Variants in CNTNAP2 observed in about 807,000 individuals in gnomAD.
The protein encoded by CNTNAP2 is contactin associated protein 2.
In CNTNAP2, 98 loss-of-function variants were observed where a neutral mutation model predicts 155.2. That is an observed-to-expected ratio of 0.63 (90% CI 0.54 to 0.75). The LOEUF is 0.75. CNTNAP2 is among the 30% of genes least tolerant of loss of function. The pLI is 0.00. For missense variants in CNTNAP2, 1,727 were observed against 1,688.1 expected (o/e 1.02, Z -0.40); for synonymous variants, 651 against 631.2 (o/e 1.03, Z -0.47).
At chr7:147,712,727 C>T (rs937387102) in intron 13 of CNTNAP2, among the ~76,000 whole-genome samples, 2 of 152,122 alleles carry the variant, frequency 1.3e-5, no homozygotes, top group African/African-American at 2.4e-5. Flanking sequence ...GGGAACATCA[C>T]ACACCGGGGC....
intron 2 of CNTNAP2, among the ~76,000 whole-genome samples, chr7:146,828,066 A>G (rs991177068): frequency 6.6e-6 from 1 of 152,120 alleles, no homozygotes; most frequent in Non-Finnish European, 1.5e-5. Context: ...CTCAAGTATA[A>G]AAACATCATA....
chr7:147,379,359 T>C (rs1325542334), intron 9 of CNTNAP2, among the ~76,000 whole-genome samples: 3 of 152,116 alleles, frequency 2.0e-5, no homozygotes, highest in African/African-American at 7.2e-5. Context: ...TTCCATGCGG[T>C]GTTTCTGCTG....
intron 18 of CNTNAP2, among the ~76,000 whole-genome samples, chr7:148,182,323 G>T (rs1795052608): frequency 1.4e-5 from 2 of 142,436 alleles, no homozygotes; most frequent in East Asian, 2.1e-4. Flanking sequence ...TGTCCTGAGG[G>T]TTTTGCTTTT....
chr7:148,109,556 G>A (rs140161443), intron 15 of CNTNAP2, among the ~76,000 whole-genome samples: 6,589 of 152,066 alleles, frequency 0.043, 232 homozygotes, highest in Admixed American at 0.11. Context: ...GGCTAACTTT[G>A]TATTTTTAGT....
intron 2 of CNTNAP2, among the ~76,000 whole-genome samples, chr7:146,790,693 C>T (rs973041419): frequency 1.3e-5 from 2 of 151,986 alleles, no homozygotes; most frequent in Non-Finnish European, 2.9e-5. Flanking sequence ...CCTCAGCCTC[C>T]GGAGTAGCTG....
chr7:147,032,009 G>A lies in CNTNAP2; in HGVS notation c.403-11898G>A, dbSNP rs182985488. Among the ~76,000 whole-genome samples, 19 of 152,322 alleles carry A rather than the reference G, an allele frequency of 1.2e-4. No individual in the cohort carries two copies. In the South Asian group the frequency reaches 2.5e-3, roughly 20 times the overall value. On this transcript the variant is annotated intron_variant, in intron 3 of 23. Transcript: ENST00000361727. The stretch of plus-strand genomic sequence containing the variant: ...ATTAATTGAAAAGAATATTGACTGA[G>A]GGGATTGATGAGACTAATTTCTGGG...
At chr7:147,330,159 C>T (rs752066627) in intron 9 of CNTNAP2, among the ~76,000 whole-genome samples, 1 of 151,976 alleles carries the variant, frequency 6.6e-6, no homozygotes, top group Non-Finnish European at 1.5e-5. Flanking sequence ...TACCAACCTC[C>T]TAGAAGGGAA....
At chr7:147,387,088 C>T (rs969070196) in intron 9 of CNTNAP2, among the ~76,000 whole-genome samples, 3 of 152,046 alleles carry the variant, frequency 2.0e-5, no homozygotes, top group Non-Finnish European at 2.9e-5. Flanking sequence ...ACAGGAAAGA[C>T]CCACCCCCAT....
chr7:148,332,816 G>A (rs896504558), intron 21 of CNTNAP2, among the ~76,000 whole-genome samples: 2 of 152,136 alleles, frequency 1.3e-5, no homozygotes, highest in Admixed American at 6.5e-5. Flanking sequence ...CGCTGGAAAC[G>A]GGGAGGGTGG....
At chr7:148,077,107 A>T (rs1424688924) in intron 15 of CNTNAP2, among the ~76,000 whole-genome samples, 1 of 152,078 alleles carries the variant, frequency 6.6e-6, no homozygotes, top group African/African-American at 2.4e-5. Flanking sequence ...CGGGAGTTCG[A>T]TACTAGCCTG....
At chr7:146,551,465 A>G (rs1223473445) in intron 1 of CNTNAP2, among the ~76,000 whole-genome samples, 2 of 152,066 alleles carry the variant, frequency 1.3e-5, no homozygotes, top group African/African-American at 2.4e-5. Flanking sequence ...AAAGGACATG[A>G]ACTCATCATT....
intron 11 of CNTNAP2, among the ~76,000 whole-genome samples, chr7:147,501,532 G>A (rs1798812699): frequency 6.6e-6 from 1 of 152,154 alleles, no homozygotes; most frequent in Non-Finnish European, 1.5e-5. Flanking sequence ...ATAGTGGTGT[G>A]AAGCCAATGC....
intron 22 of CNTNAP2, among the ~76,000 whole-genome samples, chr7:148,394,366 C>T (rs181309338): frequency 6.6e-6 from 1 of 152,206 alleles, no homozygotes; most frequent in Non-Finnish European, 1.5e-5. Flanking sequence ...TGATATGATG[C>T]CTTGTGACAT....
intron 13 of CNTNAP2, among the ~76,000 whole-genome samples, chr7:147,671,325 G>T (rs1006252285): frequency 6.6e-6 from 1 of 152,178 alleles, no homozygotes; most frequent in Non-Finnish European, 1.5e-5. Context: ...AAAGTGCACT[G>T]ACAATAACAA....
At chr7:146,585,694 T>G (rs914624601) in intron 1 of CNTNAP2, among the ~76,000 whole-genome samples, 4 of 147,650 alleles carry the variant, frequency 2.7e-5, no homozygotes, top group Non-Finnish European at 5.9e-5. Flanking sequence ...AAAACTCATC[T>G]GTACGAAAGA....
intron 1 of CNTNAP2, among the ~76,000 whole-genome samples, chr7:146,333,191 C>T (rs570700351): frequency 6.8e-4 from 104 of 152,040 alleles, no homozygotes; most frequent in African/African-American, 2.1e-3. Flanking sequence ...ATAATCCACC[C>T]GCCTCGGCCT....
At chr7:147,378,858 A>T (rs1796485866) in intron 9 of CNTNAP2, among the ~76,000 whole-genome samples, 2 of 151,958 alleles carry the variant, frequency 1.3e-5, no homozygotes. Context: ...GTAATTTTTA[A>T]GTATTATTTG....
chr7:147,182,167 A>G (rs1463475775), intron 8 of CNTNAP2, among the ~76,000 whole-genome samples: 1 of 151,754 alleles, frequency 6.6e-6, no homozygotes, highest in Non-Finnish European at 1.5e-5. Context: ...TCCACATTAA[A>G]CAAGAGAAAT....
intron 4 of CNTNAP2, among the ~76,000 whole-genome samples, chr7:147,048,688 A>G (rs1799414925): frequency 6.6e-6 from 1 of 152,164 alleles, no homozygotes; most frequent in African/African-American, 2.4e-5. Flanking sequence ...TGTGGAACCA[A>G]ATTTTTAATT....
Sources: allele counts gnomAD v4.1 joint callset (sites outside exome capture counted in the v4.1 genomes callset), GRCh38; gene constraint gnomAD v4.1.1; transcripts MANE v1.5; gene names NCBI Gene and HGNC (gene_info 2026-07-23, HGNC 2026-07-21).